The following DLGAP2 variants were observed in gnomAD, a reference collection of about 807,000 sequenced individuals.
The protein encoded by DLGAP2 is DLG associated protein 2, also known as disks large-associated protein 2.
A neutral mutation model predicts 100.3 loss-of-function variants in DLGAP2; 26 were observed. The observed-to-expected ratio is 0.26, with a 90% confidence interval of 0.19 to 0.36. The LOEUF (loss-of-function observed/expected upper bound fraction) is 0.36. Ranked by LOEUF, DLGAP2 falls within the 10% of genes least tolerant of loss-of-function variation. The pLI is 1.00. For missense variants in DLGAP2, 1,858 were observed against 1,453.2 expected, an observed-to-expected ratio of 1.28 and a Z score of -4.53; for synonymous variants, 886 against 630.1, an observed-to-expected ratio of 1.41 and a Z score of -6.08.
intron 1 of DLGAP2, among the ~76,000 whole-genome samples, chr8:900,227 G>A (rs998289874): frequency 1.3e-5 from 2 of 149,510 alleles, no homozygotes; most frequent in Non-Finnish European, 3.0e-5. Context: ...GACGGTGGGC[G>A]CCCTGCTCTT....
In DLGAP2 at chr8:1,549,095, G is replaced by A. The variant is rs1341458067; in HGVS notation, c.642G>A (p.Arg214=). 1 of 1,583,454 alleles carries A rather than the reference G, an allele frequency of 6.3e-7. No homozygotes were observed. The highest frequency in any genetic ancestry group is 8.6e-7 in the Non-Finnish European group (1 of 1,168,212). ...RDGFHTLQYQ[R]TSAAAEQRSE... is the part of the protein sequence containing the mutation. Reference sequence around the variant, plus strand: ...GCTTCCACACGCTGCAGTACCAGAGGACGTCCGCGGCCGCCGAGCAGCGCA... The same window carrying A: ...GCTTCCACACGCTGCAGTACCAGAGAACGTCCGCGGCCGCCGAGCAGCGCA... The change falls in exon 5 of 15, where the codon AGG becomes AGA. Residue 214 remains arginine (R), a synonymous_variant. Coordinates refer to ENST00000637795, the MANE Select transcript of DLGAP2 (RefSeq NM_001346810.2).
intron 2 of DLGAP2, among the ~76,000 whole-genome samples, chr8:1,001,050 G>C (rs1800941172): frequency 6.6e-6 from 1 of 152,230 alleles, no homozygotes; most frequent in Admixed American, 6.5e-5. Flanking sequence ...ATTGTTGATA[G>C]TTTCCACTCA....
chr8:1,649,774 G>A (rs569653182), intron 8 of DLGAP2, among the ~76,000 whole-genome samples: 5 of 152,232 alleles, frequency 3.3e-5, no homozygotes, highest in Non-Finnish European at 4.4e-5. Context: ...CTTTTTAAAC[G>A]TAAGTCATGG....
chr8:922,064 C>A (rs992702860), intron 2 of DLGAP2, among the ~76,000 whole-genome samples: 12 of 152,216 alleles, frequency 7.9e-5, no homozygotes, highest in Non-Finnish European at 1.5e-4. Context: ...GCCGTGTGCG[C>A]AGTTGGCGCC....
At chr8:1,386,985 A>G (rs1796235833) in intron 3 of DLGAP2, among the ~76,000 whole-genome samples, 1 of 152,236 alleles carries the variant, frequency 6.6e-6, no homozygotes, top group Non-Finnish European at 1.5e-5. Flanking sequence ...CACATTGAAT[A>G]ATGTTTACCT....
At chr8:966,051 A>G (rs1436125910) in intron 2 of DLGAP2, among the ~76,000 whole-genome samples, 1 of 152,294 alleles carries the variant, frequency 6.6e-6, no homozygotes, top group East Asian at 1.9e-4. Context: ...GACAAGCGCC[A>G]TTCTTGAGGG....
chr8:1,233,647 C>T (rs1798583172), intron 2 of DLGAP2, among the ~76,000 whole-genome samples: 1 of 152,092 alleles, frequency 6.6e-6, no homozygotes, highest in Admixed American at 6.5e-5. Context: ...ACTTGCTAAG[C>T]TTCGTTTGTG....
intron 2 of DLGAP2, among the ~76,000 whole-genome samples, chr8:959,034 G>C (rs955594887): frequency 6.6e-6 from 1 of 152,328 alleles, no homozygotes; most frequent in South Asian, 2.1e-4. Context: ...CAGTGAGAAG[G>C]GCATGCTATG....
chr8:1,079,738 A>T (rs955324317), intron 2 of DLGAP2, among the ~76,000 whole-genome samples: 1 of 152,182 alleles, frequency 6.6e-6, no homozygotes, highest in Non-Finnish European at 1.5e-5. Flanking sequence ...CATGGACATA[A>T]ATAGCAGCAA....
At chr8:1,007,537 G>T (rs150650456) in intron 2 of DLGAP2, among the ~76,000 whole-genome samples, 2 of 151,888 alleles carry the variant, frequency 1.3e-5, no homozygotes, top group African/African-American at 4.8e-5. Context: ...GCCAGCGGAT[G>T]TACACGAAGC....
intron 2 of DLGAP2, among the ~76,000 whole-genome samples, chr8:1,089,412 C>A (rs568730098): frequency 6.6e-6 from 1 of 152,222 alleles, no homozygotes; most frequent in South Asian, 2.1e-4. Context: ...TAACCGTGGG[C>A]TGGTGAGACT....
intron 6 of DLGAP2, among the ~76,000 whole-genome samples, chr8:1,624,602 C>G (rs1177459936): frequency 2.6e-5 from 4 of 151,874 alleles, no homozygotes; most frequent in Admixed American, 1.3e-4. Context: ...AGGGTGGTGA[C>G]AGCCAAGGTC....
At chr8:1,242,631 C>G (rs778768215) in intron 2 of DLGAP2, among the ~76,000 whole-genome samples, 7 of 152,232 alleles carry the variant, frequency 4.6e-5, no homozygotes, top group Non-Finnish European at 1.0e-4. Context: ...TTGCCGTTGA[C>G]CTTGTATGTT....
chr8:1,576,172 C>A (rs552753737), intron 6 of DLGAP2, among the ~76,000 whole-genome samples: 10 of 152,074 alleles, frequency 6.6e-5, no homozygotes, highest in Admixed American at 3.3e-4. Flanking sequence ...AACTGGTGTG[C>A]GATGGTGTCT....
chr8:1,409,134 C>A (rs4410931), intron 3 of DLGAP2, among the ~76,000 whole-genome samples: 1 of 85,432 alleles, frequency 1.2e-5, no homozygotes, highest in African/African-American at 4.3e-5. Flanking sequence ...AGCAGGCGCC[C>A]GGCTCCCCTT....
chr8:967,201 G>C (rs981724423), intron 2 of DLGAP2, among the ~76,000 whole-genome samples: 2 of 152,344 alleles, frequency 1.3e-5, no homozygotes, highest in Middle Eastern at 3.4e-3. Context: ...CACTGTACAC[G>C]TTTAAACACT....
At chr8:1,589,794 T>C (rs4291294) in intron 6 of DLGAP2, among the ~76,000 whole-genome samples, 80,316 of 152,026 alleles carry the variant, frequency 0.53, 22,001 homozygotes, top group African/African-American at 0.68. Flanking sequence ...CACCGGGGAA[T>C]CCCTTGCCTT....
chr8:1,470,022 C>G (rs190647274), intron 3 of DLGAP2, among the ~76,000 whole-genome samples: 2 of 149,048 alleles, frequency 1.3e-5, no homozygotes, highest in African/African-American at 5.0e-5. Context: ...ATTAGCCAAG[C>G]CTGGTGGTGT....
intron 4 of DLGAP2, among the ~76,000 whole-genome samples, chr8:1,523,802 C>T (rs906470011): frequency 1.3e-5 from 2 of 152,232 alleles, no homozygotes; most frequent in African/African-American, 4.8e-5. Flanking sequence ...GGTGGCCTCC[C>T]AGCAGTTCCT....
Sources: allele counts gnomAD v4.1 joint callset (sites outside exome capture counted in the v4.1 genomes callset), GRCh38; gene constraint gnomAD v4.1.1; transcripts MANE v1.5; gene names NCBI Gene and HGNC (gene_info 2026-07-23, HGNC 2026-07-21).